ADAMTS19: variants seen among roughly 807,000 people sequenced by gnomAD.
ADAMTS19 encodes ADAM metallopeptidase with thrombospondin type 1 motif 19, also known as A disintegrin and metalloproteinase with thrombospondin motifs 19.
Under a neutral mutation model 153.3 loss-of-function variants are expected in ADAMTS19, and 93 were observed. The ratio of observed to expected loss-of-function variants is 0.61; its 90% CI spans 0.51 to 0.72. The LOEUF (loss-of-function observed/expected upper bound fraction) is 0.72, where lower values mean the gene tolerates loss of function less well. Among genes scored for constraint, ADAMTS19 ranks in the 30% least tolerant of loss-of-function variants. The pLI is 0.00. For synonymous variants in ADAMTS19, 600 were observed against 556.6 expected (o/e 1.08, Z -1.10); for missense variants, 1,482 against 1,552.1 (o/e 0.95, Z 0.76).
At chr5:129,635,459 T>A (rs892459531) in intron 10 of ADAMTS19, among the ~76,000 whole-genome samples, 1 of 152,208 alleles carries the variant, frequency 6.6e-6, no homozygotes, top group African/African-American at 2.4e-5. Flanking sequence ...TGCATGTATG[T>A]GTTTACTGCA....
intron 8 of ADAMTS19, among the ~76,000 whole-genome samples, chr5:129,610,093 T>TTATATATATATA (rs10618467): frequency 6.7e-6 from 1 of 150,160 alleles, no homozygotes; most frequent in African/African-American, 2.5e-5. Context: ...GGTAGTGGTA[T>TTATATATATATA]TATATATATA....
chr5:129,671,290 T>C (rs1244516196), intron 16 of ADAMTS19, among the ~76,000 whole-genome samples: 2 of 151,794 alleles, frequency 1.3e-5, no homozygotes. Context: ...TAGATGTGAG[T>C]GTTGATAGAG....
At chr5:129,501,024 T>C (rs1247114689) in intron 2 of ADAMTS19, among the ~76,000 whole-genome samples, 1 of 152,110 alleles carries the variant, frequency 6.6e-6, no homozygotes, top group Non-Finnish European at 1.5e-5. Flanking sequence ...CAGATACATA[T>C]ACAATACAAA....
intron 2 of ADAMTS19, among the ~76,000 whole-genome samples, chr5:129,481,127 A>G (rs958662901): frequency 6.6e-6 from 1 of 152,202 alleles, no homozygotes; most frequent in Admixed American, 6.6e-5. Flanking sequence ...GTTAATTTAT[A>G]AACAAAAGAG....
Position 129,613,813 on chromosome 5 carries a change from A to G in ADAMTS19, c.1479-6805A>G, listed in dbSNP as rs537323893. ...GCGAGACTAATAAAGAAGAAAAGAG[A>G]GAAGAATCAAATAGACCCAATAAAA... On this transcript the variant is annotated intron_variant, in intron 8 of 22. Coordinates refer to ENST00000274487, the MANE Select transcript of ADAMTS19 (RefSeq NM_133638.6). Among the ~76,000 whole-genome samples the G allele has an allele frequency of 2.8e-4, 43 of 152,280 alleles. No homozygotes were observed. In the South Asian group the frequency reaches 4.8e-3, roughly 17 times the overall value.
chr5:129,505,682 AG>A (rs1483845295), intron 2 of ADAMTS19, among the ~76,000 whole-genome samples: 1 of 152,186 alleles, frequency 6.6e-6, no homozygotes, highest in Non-Finnish European at 1.5e-5. Flanking sequence ...TTTTCACAAA[AG>A]CAATGCTAAA....
At chr5:129,614,117 G>A (rs1204983269) in intron 8 of ADAMTS19, among the ~76,000 whole-genome samples, 3 of 152,114 alleles carry the variant, frequency 2.0e-5, no homozygotes, top group African/African-American at 4.8e-5. Flanking sequence ...ACAAGGAGGA[G>A]CTGGTACCAT....
rs141045212 is a variant in ADAMTS19, at chr5:129,519,365, C to T, written c.914-6919C>T. On this transcript the variant is annotated intron_variant, in intron 3 of 22. Coordinates refer to ENST00000274487, the MANE Select transcript of ADAMTS19 (RefSeq NM_133638.6). ...ATCCTAGATGTAAGACAAAGTCTTC[C>T]ACACGTTTCCCTCTCCCCTCCTCAA... Among the ~76,000 whole-genome samples the T allele has an allele frequency of 7.7e-3, 1,168 of 152,108 alleles. 8 individuals carry two copies. The highest frequency in any genetic ancestry group is 0.012 in the Non-Finnish European group (790 of 67,986).
intron 7 of ADAMTS19, among the ~76,000 whole-genome samples, chr5:129,561,603 C>T (rs748470818): frequency 6.6e-6 from 1 of 151,388 alleles, no homozygotes; most frequent in African/African-American, 2.4e-5. Context: ...AAACGCATGT[C>T]GTAGTGTTTT....
At chr5:129,609,092 G>C (rs548564441) in intron 8 of ADAMTS19, among the ~76,000 whole-genome samples, 1 of 152,214 alleles carries the variant, frequency 6.6e-6, no homozygotes, top group South Asian at 2.1e-4. Context: ...TGTCCCCATT[G>C]TACTCTTTAG....
intron 10 of ADAMTS19, among the ~76,000 whole-genome samples, chr5:129,634,334 G>A (rs553582794): frequency 7.6e-4 from 116 of 152,276 alleles, no homozygotes; most frequent in African/African-American, 2.7e-3. Context: ...GGAAGAATCA[G>A]TATTGTTAAA....
At chr5:129,596,502 G>C (rs1271265679) in intron 7 of ADAMTS19, 57 bp from the exon 8 acceptor site, 8 of 1,152,368 alleles carry the variant, frequency 6.9e-6, no homozygotes, top group East Asian at 2.4e-5. Flanking sequence ...CTAATAACTA[G>C]TATAAATATT....
rs1750307974 is a variant in ADAMTS19 at position 129,478,664 on chromosome 5, A to G, written c.747+16907A>G. On this transcript the variant is annotated intron_variant, in intron 2 of 22. Transcript: ENST00000274487. ...CATGCTCGAGCAATCCTCCCACTTC[A>G]GCCTCCCCAGTTGCCAGACTACAGG... 2.0e-5 allele frequency among the ~76,000 whole-genome samples: 3 copies of G among 152,212 alleles called. 1 individual carries two copies. The South Asian group carries it at 6.2e-4, about 32-fold the overall frequency.
In ADAMTS19 at chr5:129,547,906, C is replaced by G. The variant is rs368778498; in HGVS notation, c.1329-3958C>G. Among the ~76,000 whole-genome samples the G allele has an allele frequency of 5.3e-5, 8 of 150,776 alleles. No individual in the cohort carries two copies. In the South Asian group the frequency reaches 6.2e-4, roughly 12 times the overall value. ...ACTATCTGATCTTTGACAAACCTGA[C>G]AAAAACAAGCAATGGGGAAAGGATT... On this transcript the variant is annotated intron_variant, in intron 6 of 22. Transcript: ENST00000274487.
chr5:129,600,905 T>C (rs1750617837), intron 8 of ADAMTS19, among the ~76,000 whole-genome samples: 1 of 152,004 alleles, frequency 6.6e-6, no homozygotes, highest in Non-Finnish European at 1.5e-5. Flanking sequence ...GGTCTCCCTC[T>C]GTAGCCCAGG....
chr5:129,692,506 C>T (rs537965274), intron 18 of ADAMTS19, among the ~76,000 whole-genome samples: 8 of 152,272 alleles, frequency 5.3e-5, no homozygotes, highest in South Asian at 2.1e-4. Context: ...CTGCCAGAGA[C>T]GTGAAAGACT....
At chr5:129,674,314 A>T (rs30659) in intron 16 of ADAMTS19, among the ~76,000 whole-genome samples, 110,200 of 151,804 alleles carry the variant, frequency 0.73, 40,574 homozygotes, top group Non-Finnish European at 0.8. Context: ...TATTTTAACC[A>T]ATGTATTTTT....
chr5:129,464,197 A>G (rs1749780960), intron 2 of ADAMTS19, among the ~76,000 whole-genome samples: 1 of 152,236 alleles, frequency 6.6e-6, no homozygotes, highest in African/African-American at 2.4e-5. Context: ...GAGAGAAATG[A>G]TCTTAAAATG....
At chr5:129,606,974 G>T (rs913144218) in intron 8 of ADAMTS19, among the ~76,000 whole-genome samples, 10 of 152,042 alleles carry the variant, frequency 6.6e-5, no homozygotes, top group Non-Finnish European at 1.5e-4. Context: ...CTGGAGTGCA[G>T]TGGCACCATG....
Sources: allele counts gnomAD v4.1 joint callset (sites outside exome capture counted in the v4.1 genomes callset), GRCh38; gene constraint gnomAD v4.1.1; transcripts MANE v1.5; gene names NCBI Gene and HGNC (gene_info 2026-07-23, HGNC 2026-07-21).